The following GRM5 variants were observed in gnomAD, a reference collection of about 807,000 sequenced individuals.
The protein encoded by GRM5 is glutamate metabotropic receptor 5.
Under a neutral mutation model 83.1 loss-of-function variants are expected in GRM5, and 19 were observed. The observed-to-expected ratio is 0.23, with a 90% CI of 0.16 to 0.34. The LOEUF is 0.34. GRM5 is among the 10% of genes least tolerant of loss of function. GRM5 has a pLI of 1.00. For synonymous variants in GRM5, 675 were observed against 633.6 expected, an observed-to-expected ratio of 1.07 and a Z score of -0.98; for missense variants, 1,160 against 1,588.3, an observed-to-expected ratio of 0.73 and a Z score of 4.58.
At chr11:88,534,764 T>G (rs116345870) in intron 8 of GRM5, among the ~76,000 whole-genome samples, 1 of 152,168 alleles carries the variant, frequency 6.6e-6, no homozygotes, top group East Asian at 1.9e-4. Context: ...TTTGGCTCTG[T>G]TTCCCCACAC....
intron 7 of GRM5, among the ~76,000 whole-genome samples, chr11:88,568,291 T>A (rs776143262): frequency 6.6e-6 from 1 of 152,176 alleles, no homozygotes; most frequent in African/African-American, 2.4e-5. Context: ...CAACTGTAAC[T>A]GTGATAAGGG....
chr11:88,613,985 A>C (rs1006227437), intron 4 of GRM5, among the ~76,000 whole-genome samples: 4 of 152,148 alleles, frequency 2.6e-5, no homozygotes, highest in African/African-American at 7.2e-5. Context: ...GGTTACTCAC[A>C]CGATCCAGAA....
intron 2 of GRM5, among the ~76,000 whole-genome samples, chr11:89,016,580 T>C (rs1940862189): frequency 6.6e-6 from 1 of 152,166 alleles, no homozygotes; most frequent in South Asian, 2.1e-4. Flanking sequence ...TGAAAAGTAA[T>C]TGTTATCTCC....
intron 2 of GRM5, among the ~76,000 whole-genome samples, chr11:88,920,694 A>G (rs959815592): frequency 6.6e-6 from 1 of 152,196 alleles, no homozygotes; most frequent in Admixed American, 6.5e-5. Flanking sequence ...AAATACTAGC[A>G]AACCAAATTC....
At chr11:88,520,377 T>C (rs1941648613) in intron 9 of GRM5, among the ~76,000 whole-genome samples, 1 of 152,206 alleles carries the variant, frequency 6.6e-6, no homozygotes, top group Non-Finnish European at 1.5e-5. Context: ...CTTTCTCTTA[T>C]CTATGGAGTT....
At chr11:88,543,223 G>A (rs943289168) in intron 8 of GRM5, among the ~76,000 whole-genome samples, 2 of 152,210 alleles carry the variant, frequency 1.3e-5, no homozygotes, top group African/African-American at 4.8e-5. Flanking sequence ...CTGCATAAGC[G>A]ATAAGAGCTG....
chr11:88,556,184 T>C (rs773142335), intron 8 of GRM5, among the ~76,000 whole-genome samples: 29 of 152,080 alleles, frequency 1.9e-4, no homozygotes, highest in Non-Finnish European at 3.4e-4. Context: ...TCAGTAGCAT[T>C]CTAAAGAGTA....
intron 8 of GRM5, among the ~76,000 whole-genome samples, chr11:88,534,451 G>A (rs1334081985): frequency 6.6e-6 from 1 of 152,140 alleles, no homozygotes; most frequent in Non-Finnish European, 1.5e-5. Flanking sequence ...TGACTGCCCT[G>A]GTGGATTTTG....
intron 2 of GRM5, among the ~76,000 whole-genome samples, chr11:88,911,236 G>T (rs1176415480): frequency 1.3e-5 from 2 of 152,070 alleles, no homozygotes; most frequent in East Asian, 3.9e-4. Flanking sequence ...TAACTAGTTG[G>T]AGTCTCTGGG....
chr11:88,988,830 A>G (rs1939846077), intron 2 of GRM5, among the ~76,000 whole-genome samples: 1 of 143,782 alleles, frequency 7.0e-6, no homozygotes, highest in African/African-American at 2.6e-5. Flanking sequence ...TGTCACCACC[A>G]GGCCTGCCCT....
intron 6 of GRM5, among the ~76,000 whole-genome samples, chr11:88,596,010 C>T (rs2135217219): frequency 1.5e-5 from 1 of 64,660 alleles, no homozygotes; most frequent in East Asian, 5.6e-4. Flanking sequence ...TTTTTCATTG[C>T]TCTAGACTAA....
chr11:88,658,189 C>T (rs946035855), intron 3 of GRM5, among the ~76,000 whole-genome samples: 2 of 152,032 alleles, frequency 1.3e-5, no homozygotes, highest in East Asian at 1.9e-4. Flanking sequence ...CTAGGTCGTG[C>T]GCTTCTTATG....
intron 2 of GRM5, among the ~76,000 whole-genome samples, chr11:88,862,811 C>G (rs1450155017): frequency 1.3e-5 from 2 of 152,068 alleles, no homozygotes; most frequent in Non-Finnish European, 2.9e-5. Context: ...TCCTAATTAT[C>G]ATCAGAGCAA....
At chr11:88,636,858 T>C (rs1369078239) in intron 4 of GRM5, among the ~76,000 whole-genome samples, 1 of 152,176 alleles carries the variant, frequency 6.6e-6, no homozygotes, top group Non-Finnish European at 1.5e-5. Flanking sequence ...GATCAGATAG[T>C]TGTAGATATG....
At chr11:88,801,990 C>T (rs79100883) in intron 3 of GRM5, among the ~76,000 whole-genome samples, 5,646 of 152,088 alleles carry the variant, frequency 0.037, 355 homozygotes, top group African/African-American at 0.13. Context: ...GAAACCCCTT[C>T]TCTGCACCAA....
At chr11:88,614,254 T>C (rs1444983576) in intron 4 of GRM5, among the ~76,000 whole-genome samples, 1 of 152,182 alleles carries the variant, frequency 6.6e-6, no homozygotes, top group Non-Finnish European at 1.5e-5. Context: ...TACTTAACAT[T>C]CAGTTTAATC....
chr11:88,988,704 C>T (rs957035346), intron 2 of GRM5, among the ~76,000 whole-genome samples: 19 of 151,620 alleles, frequency 1.3e-4, no homozygotes, highest in East Asian at 7.8e-4. Flanking sequence ...GAGGCCAATA[C>T]TCAACATTCT....
At chr11:88,864,431 C>A (rs537464566) in intron 2 of GRM5, among the ~76,000 whole-genome samples, 4 of 152,020 alleles carry the variant, frequency 2.6e-5, no homozygotes, top group African/African-American at 9.6e-5. Context: ...CCCTTTGTAG[C>A]AATTGTGAAT....
At chr11:88,704,149 A>G (rs1209773521) in intron 3 of GRM5, among the ~76,000 whole-genome samples, 1 of 152,032 alleles carries the variant, frequency 6.6e-6, no homozygotes, top group Non-Finnish European at 1.5e-5. Flanking sequence ...ATCTCATTAT[A>G]AGGTCCCACT....
Sources: gnomAD v4.1 joint callset for allele counts (sites outside exome capture counted in the v4.1 genomes callset) on GRCh38, gnomAD v4.1.1 for gene constraint, MANE v1.5 for transcripts, NCBI Gene and HGNC (gene_info 2026-07-23, HGNC 2026-07-21) for gene names.